The following TLK1 variants were observed in gnomAD, a reference collection of about 807,000 sequenced individuals.
TLK1 encodes tousled like kinase 1, also known as serine/threonine-protein kinase tousled-like 1.
In TLK1, 24 loss-of-function variants were observed where a neutral mutation model predicts 105.3. The ratio of observed to expected loss-of-function variants is 0.23; its 90% confidence interval spans 0.17 to 0.32. The LOEUF is 0.32. Among genes scored for constraint, TLK1 ranks in the 10% least tolerant of loss-of-function variants. The pLI, the probability that TLK1 is intolerant of heterozygous loss-of-function variation, is 1.00. For missense variants in TLK1, 558 were observed against 910.5 expected (o/e 0.61, Z 4.98); for synonymous variants, 321 against 310.4 (o/e 1.03, Z -0.36).
In TLK1 at chr2:171,160,166, C is replaced by A. The variant is rs1280850765; in HGVS notation, c.139+124G>T. On this transcript the variant is annotated intron_variant, in intron 1 of 20. Transcript: ENST00000431350. The surrounding 1 kb of genome is among the most constrained non-coding windows in gnomAD (Gnocchi z 4.4). ...GCCGGGCGGCCTCGCGTCCACCTCG[C>A]CACCATCCCCCACCCCAGGGTCTGG... The A allele has an allele frequency of 3.5e-6, 4 of 1,126,802 alleles. No homozygotes were observed. 69.8% of individuals were successfully genotyped at this position (1,126,802 alleles called of 1,614,324 possible).
chr2:171,020,802 T>G (rs1457453382), intron 12 of TLK1, among the ~76,000 whole-genome samples: 1 of 151,990 alleles, frequency 6.6e-6, no homozygotes, highest in Admixed American at 6.6e-5. Context: ...CATAATCATA[T>G]TTTTGCTTGA....
intron 1 of TLK1, among the ~76,000 whole-genome samples, chr2:171,157,402 T>C (rs1012735241): frequency 5.9e-5 from 9 of 152,202 alleles, no homozygotes; most frequent in African/African-American, 2.2e-4. Context: ...CAAAATGGGA[T>C]GGAGATTATA....
At position 171,160,644 on chromosome 2, in the gene TLK1, G is replaced by C. The variant is rs1692451241; in HGVS notation, c.-216C>G. 2 of 691,886 alleles carry C rather than the reference G, an allele frequency of 2.9e-6. No individual in the cohort carries two copies. Among genetic ancestry groups the C allele is most frequent in the Non-Finnish European group, 4.4e-6 (2 of 450,684 alleles). The allele number at this position is 691,886 out of a possible 1,614,324, so 42.9% of individuals were successfully genotyped here. A position where few individuals can be genotyped will look rare whatever the true frequency, so the allele number is the denominator to read the frequency against. ...GAGAGGGGACAGGGAGGAGGGAAAG[G>C]GGGAGAAGCGAGGGAGCGAGCGGGC... On this transcript the variant is annotated 5_prime_UTR_variant, in exon 1 of 21. Coordinates refer to ENST00000431350, the MANE Select transcript of TLK1 (RefSeq NM_012290.5). The surrounding 1 kb of genome is among the most constrained non-coding windows in gnomAD (Gnocchi z 4.4).
chr2:170,996,008 GTTTTT>G (rs1193427845), intron 20 of TLK1, among the ~76,000 whole-genome samples: 1 of 148,598 alleles, frequency 6.7e-6, no homozygotes, highest in Non-Finnish European at 1.5e-5. Context: ...GGCCTATTTG[GTTTTT>G]TTGAGACAGG....
chr2:171,105,637 G>A (rs62169009), intron 2 of TLK1, among the ~76,000 whole-genome samples: 1,999 of 152,184 alleles, frequency 0.013, 20 homozygotes, highest in Middle Eastern at 0.034. Flanking sequence ...AGTGAGCCCC[G>A]AGACTGCGCC....
chr2:171,048,441 T>C (rs929059550), intron 10 of TLK1, among the ~76,000 whole-genome samples: 1 of 152,260 alleles, frequency 6.6e-6, no homozygotes, highest in Admixed American at 6.5e-5. Flanking sequence ...ACTGTTGATA[T>C]GTTAGTTCAT....
intron 1 of TLK1, among the ~76,000 whole-genome samples, chr2:171,177,439 G>C (rs746544525): frequency 6.6e-6 from 1 of 152,034 alleles, no homozygotes; most frequent in Non-Finnish European, 1.5e-5. Context: ...CACCTCATTG[G>C]GCTTCTTAAA....
At position 170,991,139 on chromosome 2, in the gene TLK1, G is replaced by T. The variant is rs560232803; in HGVS notation, c.*2641C>A. 1.3e-5 allele frequency: 2 copies of T among 152,130 alleles called. No individual in the cohort carries two copies. Among genetic ancestry groups the T allele is most frequent in the East Asian group, 3.9e-4 (2 of 5,186 alleles). 9.4% of individuals were successfully genotyped at this position (152,130 alleles called of 1,614,324 possible). On this transcript the variant is annotated 3_prime_UTR_variant, in exon 21 of 21. Coordinates refer to ENST00000431350, the MANE Select transcript of TLK1 (RefSeq NM_012290.5). The stretch of plus-strand genomic sequence containing the variant: ...CACACTAAAGCAAATTCAAATCAAA[G>T]AAAGATTTTAAAATCATATGCAAAA...
chr2:171,132,211 G>A (rs530334681), intron 1 of TLK1, among the ~76,000 whole-genome samples: 1 of 152,308 alleles, frequency 6.6e-6, no homozygotes, highest in East Asian at 1.9e-4. Flanking sequence ...AGAAGAATGA[G>A]TGCAAGCAGG....
intron 3 of TLK1, among the ~76,000 whole-genome samples, chr2:171,082,022 G>A (rs10177177): frequency 0.019 from 2,578 of 136,336 alleles, 75 homozygotes; most frequent in African/African-American, 0.066. Context: ...TAAGACTGAC[G>A]GGAAAAATAC....
At chr2:171,012,489 ATTTT>A (rs1293234459) in intron 13 of TLK1, among the ~76,000 whole-genome samples, 1 of 151,844 alleles carries the variant, frequency 6.6e-6, no homozygotes, top group Non-Finnish European at 1.5e-5. Context: ...TTATTTATTT[ATTTT>A]TTTATTTTTT....
chr2:171,152,689 CT>C (rs1231219675), intron 1 of TLK1, among the ~76,000 whole-genome samples: 2 of 152,166 alleles, frequency 1.3e-5, no homozygotes, highest in Non-Finnish European at 2.9e-5. Context: ...AGTTTAAAGC[CT>C]TGTCCATCAG....
At chr2:170,996,877 T>G (rs1161761229) in intron 19 of TLK1, 117 bp from the exon 20 acceptor site, 3 of 824,696 alleles carry the variant, frequency 3.6e-6, no homozygotes, top group African/African-American at 1.7e-5. Flanking sequence ...TGTTCTAAAA[T>G]CTTCCTCAGT....
rs35175399 is a variant in TLK1, at chr2:171,193,700, A to AT, written c.-6+37444dup. ...ATAGGCGTGAGCCACAGCGCCTGGC[A>AT]TTTTTTTTTTTTTTTTTTTTTTTTT... is the stretch of plus-strand genomic sequence containing the variant. On this transcript the variant is annotated intron_variant, in intron 1 of 20. Coordinates refer to the TLK1 transcript ENST00000521943. Among the ~76,000 whole-genome samples, 418 of 64,592 alleles carry AT rather than the reference A, an allele frequency of 6.5e-3. 15 individuals are homozygous for AT. The highest frequency in any genetic ancestry group is 0.019 in the Admixed American group (83 of 4,376). 42.4% of individuals were successfully genotyped at this position (64,592 alleles called of 152,430 possible). A position where few individuals can be genotyped will look rare whatever the true frequency, so the allele number is the denominator to read the frequency against.
At chr2:171,008,243 C>CT (rs1383810250) in intron 14 of TLK1, among the ~76,000 whole-genome samples, 1 of 152,108 alleles carries the variant, frequency 6.6e-6, no homozygotes, top group Non-Finnish European at 1.5e-5. Flanking sequence ...CTAATACCCT[C>CT]TCTGAGCCCC....
chr2:171,085,168 T>A (rs6735986), intron 2 of TLK1, among the ~76,000 whole-genome samples: 7,788 of 152,198 alleles, frequency 0.051, 587 homozygotes, highest in African/African-American at 0.17. Context: ...GGCGGGCAGA[T>A]CACCTGAGGT....
chr2:171,099,409 A>G (rs1443610570), intron 2 of TLK1, among the ~76,000 whole-genome samples: 1 of 152,190 alleles, frequency 6.6e-6, no homozygotes, highest in African/African-American at 2.4e-5. Context: ...AGAAGACTTA[A>G]TGTTATTAGG....
At chr2:171,136,805 A>C (rs1259222531) in intron 1 of TLK1, among the ~76,000 whole-genome samples, 1 of 152,218 alleles carries the variant, frequency 6.6e-6, no homozygotes, top group Admixed American at 6.5e-5. Flanking sequence ...TTCCTCAAGG[A>C]AAGTTACTCT....
chr2:171,024,988 TTTCCTA>T (rs1202884228), intron 12 of TLK1, among the ~76,000 whole-genome samples: 1 of 152,180 alleles, frequency 6.6e-6, no homozygotes, highest in Non-Finnish European at 1.5e-5. Flanking sequence ...CTGCTGTGAT[TTTCCTA>T]ATCTCAGAAG....
Sources: gnomAD v4.1 joint callset for allele counts (sites outside exome capture counted in the v4.1 genomes callset) on GRCh38, gnomAD v4.1.1 for gene constraint, Gnocchi (gnomAD v3.1) non-coding constraint, MANE v1.5 for transcripts, NCBI Gene and HGNC (gene_info 2026-07-23, HGNC 2026-07-21) for gene names.